Variants in ARSJ observed in about 807,000 individuals in gnomAD.
The protein encoded by ARSJ is arylsulfatase J.
In ARSJ, 26 loss-of-function variants were observed where a neutral mutation model predicts 35.9. The observed-to-expected ratio is 0.72, with a 90% CI of 0.53 to 1.00. The LOEUF is 1.00. Ranked by LOEUF, ARSJ falls within the 50% of genes least tolerant of loss-of-function variation. The pLI is 0.00. For missense variants in ARSJ, 667 were observed against 723.6 expected (o/e 0.92, Z 0.90); for synonymous variants, 294 against 267.6 (o/e 1.10, Z -0.96).
rs1168681600 is a variant in ARSJ, at chr4:113,972,301, AAAAAAC to A, written c.398+6130_398+6135del. On this transcript the variant is annotated intron_variant, in intron 1 of 1. Coordinates refer to ENST00000315366, the MANE Select transcript of ARSJ (RefSeq NM_024590.4). The stretch of plus-strand genomic sequence containing the variant: ...TTCTAAGAGATGATCTGGAAAAAAA[AAAAAAC>A]AAAAAAAAAAACCCCACCATGATTT... Among the ~76,000 whole-genome samples, 40 of 143,774 alleles carry A rather than the reference AAAAAAC, an allele frequency of 2.8e-4. 1 individual carries two copies. The highest frequency in any genetic ancestry group is 1.4e-3 in the Admixed American group (19 of 14,012). The allele number at this position is 143,774 out of a possible 152,430, so 94.3% of individuals were successfully genotyped here.
At chr4:113,925,504 C>T (rs1302938015) in intron 1 of ARSJ, among the ~76,000 whole-genome samples, 1 of 152,102 alleles carries the variant, frequency 6.6e-6, no homozygotes, top group African/African-American at 2.4e-5. Context: ...AGTATTGTCA[C>T]CTAGTTAGCG....
chr4:113,973,793 C>A (rs995000977), intron 1 of ARSJ, among the ~76,000 whole-genome samples: 1 of 152,164 alleles, frequency 6.6e-6, no homozygotes, highest in African/African-American at 2.4e-5. Context: ...CATCTATACT[C>A]TCTCTTCTTT....
chr4:113,933,107 A>G (rs890027950), intron 1 of ARSJ, among the ~76,000 whole-genome samples: 1 of 151,976 alleles, frequency 6.6e-6, no homozygotes, highest in Non-Finnish European at 1.5e-5. Flanking sequence ...TAGAAAACCT[A>G]TAAGAAATGG....
chr4:113,941,036 C>T (rs1022991604), intron 1 of ARSJ, among the ~76,000 whole-genome samples: 10 of 151,894 alleles, frequency 6.6e-5, no homozygotes, highest in South Asian at 2.1e-4. Flanking sequence ...AGAGTTATCT[C>T]GGAGAGCAAA....
At chr4:113,949,648 C>T (rs1341931481) in intron 1 of ARSJ, among the ~76,000 whole-genome samples, 2 of 152,072 alleles carry the variant, frequency 1.3e-5, no homozygotes, top group African/African-American at 4.8e-5. Flanking sequence ...ATGTTACTAG[C>T]TGAGTGTTAT....
At chr4:113,934,733 C>G (rs1724662675) in intron 1 of ARSJ, among the ~76,000 whole-genome samples, 1 of 151,562 alleles carries the variant, frequency 6.6e-6, no homozygotes, top group Admixed American at 6.6e-5. Flanking sequence ...TTATTGATAC[C>G]TATTAGATGT....
At chr4:113,956,438 C>T (rs1200747924) in intron 1 of ARSJ, among the ~76,000 whole-genome samples, 1 of 151,948 alleles carries the variant, frequency 6.6e-6, no homozygotes, top group African/African-American at 2.4e-5. Flanking sequence ...ACCACACATT[C>T]ACTTAATAAA....
intron 1 of ARSJ, among the ~76,000 whole-genome samples, chr4:113,919,949 A>C (rs59569298): frequency 1.4e-3 from 209 of 150,144 alleles, no homozygotes; most frequent in Non-Finnish European, 1.3e-3. Flanking sequence ...TTTATTAAAG[A>C]TTTTTTTTTT....
At chr4:113,927,933 C>A (rs1328257083) in intron 1 of ARSJ, among the ~76,000 whole-genome samples, 3 of 152,092 alleles carry the variant, frequency 2.0e-5, no homozygotes, top group African/African-American at 7.2e-5. Context: ...TGGCCTTTCC[C>A]ACCATAATAG....
chr4:113,925,938 C>T (rs981762236), intron 1 of ARSJ, among the ~76,000 whole-genome samples: 1 of 152,152 alleles, frequency 6.6e-6, no homozygotes, highest in Non-Finnish European at 1.5e-5. Context: ...GCCAGGTCAG[C>T]CTTGGTGAGT....
At chr4:113,951,437 C>A (rs913274443) in intron 1 of ARSJ, among the ~76,000 whole-genome samples, 5 of 152,020 alleles carry the variant, frequency 3.3e-5, no homozygotes, top group African/African-American at 1.2e-4. Flanking sequence ...TGAACATAAT[C>A]CTTCAGATGT....
chr4:113,919,589 C>T lies in ARSJ; in HGVS notation c.399-15914G>A, dbSNP rs150429411. 5.0e-3 allele frequency among the ~76,000 whole-genome samples: 765 copies of T among 152,246 alleles called. 7 individuals carry two copies. The highest frequency in any genetic ancestry group is 0.018 in the African/African-American group (741 of 41,550). ...GTCATGTTCCATCATTTGGCTCCTT[C>T]GCTTATCCTTTCTAAACCTAGATTT... On this transcript the variant is annotated intron_variant, in intron 1 of 1. Transcript: ENST00000315366.
intron 1 of ARSJ, among the ~76,000 whole-genome samples, chr4:113,913,179 CTT>C (rs1366120412): frequency 6.6e-6 from 1 of 152,086 alleles, no homozygotes; most frequent in Non-Finnish European, 1.5e-5. Context: ...TGTCAAGTAA[CTT>C]TTAAAATTTC....
In ARSJ at chr4:113,979,079, C is replaced by G. The variant is rs570747776; in HGVS notation, c.-245G>C. 2.4e-5 allele frequency: 10 copies of G among 419,618 alleles called. No individual in the cohort carries two copies. The highest frequency in any genetic ancestry group is 3.8e-5 in the Non-Finnish European group (9 of 238,006). The allele number at this position is 419,618 out of a possible 1,614,324, so 26.0% of individuals were successfully genotyped here. A position where few individuals can be genotyped will look rare whatever the true frequency, so the allele number is the denominator to read the frequency against. On this transcript the variant is annotated 5_prime_UTR_variant, in exon 1 of 2. Coordinates refer to ENST00000315366, the MANE Select transcript of ARSJ (RefSeq NM_024590.4). ...ATTTCACTTTCTCCTCCTCCTCCCC[C>G]CTCCCTAGAGCAGCTTCCACCAAGG... is the stretch of plus-strand genomic sequence containing the variant.
intron 1 of ARSJ, among the ~76,000 whole-genome samples, chr4:113,915,822 T>C (rs1168541530): frequency 3.3e-5 from 5 of 152,210 alleles, no homozygotes; most frequent in African/African-American, 1.2e-4. Context: ...GCAGATGGTC[T>C]GCACTCTTTC....
intron 1 of ARSJ, among the ~76,000 whole-genome samples, chr4:113,966,311 TATACTC>T (rs1465011601): frequency 6.6e-6 from 1 of 151,844 alleles, no homozygotes; most frequent in African/African-American, 2.4e-5. Flanking sequence ...AGAAGGAACT[TATACTC>T]ATTTATGTGA....
rs117314493 is a variant in ARSJ, at chr4:113,973,000, G to C, written c.398+5437C>G. On this transcript the variant is annotated intron_variant, in intron 1 of 1. Transcript: ENST00000315366. ...TAGACTCATTATCTTTGCTGTTAGAGTCCTTCATCCAATTTCAGGCCTTTC... is the reference window on the plus strand; with the variant it reads ...TAGACTCATTATCTTTGCTGTTAGACTCCTTCATCCAATTTCAGGCCTTTC... 2.0e-3 allele frequency among the ~76,000 whole-genome samples: 312 copies of C among 152,278 alleles called. 6 individuals are homozygous for C. In the East Asian group the frequency reaches 0.052, roughly 26 times the overall value.
chr4:113,961,905 G>C (rs1341820737), intron 1 of ARSJ, among the ~76,000 whole-genome samples: 30 of 2,580 alleles, frequency 0.012, no homozygotes, highest in East Asian at 0.087. Context: ...CTCTGTGTGT[G>C]TGTGTGTGTG....
intron 1 of ARSJ, among the ~76,000 whole-genome samples, chr4:113,954,218 G>A (rs147294163): frequency 0.011 from 1,599 of 152,004 alleles, 11 homozygotes; most frequent in Non-Finnish European, 0.014. Context: ...TCTCCCTCCT[G>A]TTTGTCTTCT....
Sources: gnomAD v4.1 joint callset for allele counts (sites outside exome capture counted in the v4.1 genomes callset) on GRCh38, gnomAD v4.1.1 for gene constraint, MANE v1.5 for transcripts, NCBI Gene and HGNC (gene_info 2026-07-23, HGNC 2026-07-21) for gene names.